Variants in AK5 observed in about 807,000 individuals in gnomAD.
AK5 encodes the protein adenylate kinase isoenzyme 5.
Under a neutral mutation model 69.5 loss-of-function variants are expected in AK5, and 27 were observed. That is an observed-to-expected ratio of 0.39 (90% confidence interval 0.29 to 0.54). The LOEUF (loss-of-function observed/expected upper bound fraction) is 0.54. Among genes scored for constraint, AK5 ranks in the 20% least tolerant of loss-of-function variants. AK5 has a pLI of 0.71. For missense variants in AK5, 531 were observed against 700.4 expected, an observed-to-expected ratio of 0.76 and a Z score of 2.73; for synonymous variants, 260 against 244.4, an observed-to-expected ratio of 1.06 and a Z score of -0.60.
At chr1:77,300,153 T>C (rs752223514) in intron 5 of AK5, among the ~76,000 whole-genome samples, 9 of 152,106 alleles carry the variant, frequency 5.9e-5, no homozygotes, top group African/African-American at 1.9e-4. Context: ...GAGGATTCCC[T>C]CCGAAAAGCA....
At chr1:77,458,529 G>A (rs1464002396) in intron 8 of AK5, among the ~76,000 whole-genome samples, 3 of 152,236 alleles carry the variant, frequency 2.0e-5, no homozygotes, top group African/African-American at 4.8e-5. Flanking sequence ...AGAACTCACA[G>A]CTCCACATTA....
chr1:77,442,675 G>A (rs980052015), intron 8 of AK5, among the ~76,000 whole-genome samples: 13 of 152,122 alleles, frequency 8.5e-5, no homozygotes, highest in African/African-American at 3.1e-4. Flanking sequence ...TTATTAAAAT[G>A]TAATTATTTC....
intron 6 of AK5, among the ~76,000 whole-genome samples, chr1:77,341,052 G>T (rs956685026): frequency 1.3e-5 from 2 of 152,208 alleles, no homozygotes; most frequent in Non-Finnish European, 1.5e-5. Context: ...GGTTTGACTT[G>T]TCATAAAGAA....
intron 5 of AK5, among the ~76,000 whole-genome samples, chr1:77,337,937 C>T (rs1050632872): frequency 1.3e-5 from 2 of 151,714 alleles, no homozygotes; most frequent in African/African-American, 4.8e-5. Flanking sequence ...GAATTGAAGA[C>T]GAGACATCTG....
At position 77,488,826 on chromosome 1, in the gene AK5, C is replaced by G. The variant is rs887893559; in HGVS notation, c.1147+2474C>G. ...ATCTGCCTTCCTCAGACCACTGACT[C>G]AAATGTTAATCCCTTTTGGCAACAG... On this transcript the variant is annotated intron_variant, in intron 10 of 13. Coordinates refer to ENST00000354567, the MANE Select transcript of AK5 (RefSeq NM_174858.3). 1.4e-4 allele frequency among the ~76,000 whole-genome samples: 22 copies of G among 152,294 alleles called. No homozygotes were observed. The South Asian group carries it at 4.6e-3, about 32-fold the overall frequency.
intron 10 of AK5, among the ~76,000 whole-genome samples, chr1:77,497,876 C>T (rs1170731358): frequency 6.6e-6 from 1 of 152,166 alleles, no homozygotes; most frequent in African/African-American, 2.4e-5. Flanking sequence ...GCCACTGCAC[C>T]TGGCCAGTTT....
At chr1:77,322,783 A>G (rs996314241) in intron 5 of AK5, among the ~76,000 whole-genome samples, 15 of 152,134 alleles carry the variant, frequency 9.9e-5, no homozygotes, top group African/African-American at 3.6e-4. Flanking sequence ...AGGTCGATCT[A>G]GTCTCAAAGG....
intron 6 of AK5, among the ~76,000 whole-genome samples, chr1:77,382,524 A>AT (rs1483963365): frequency 2.0e-5 from 3 of 152,034 alleles, no homozygotes; most frequent in Non-Finnish European, 4.4e-5. Context: ...CTAATTTTTA[A>AT]TTTTTTATAG....
At chr1:77,512,181 T>C (rs1286092061) in intron 10 of AK5, among the ~76,000 whole-genome samples, 1 of 152,080 alleles carries the variant, frequency 6.6e-6, no homozygotes, top group African/African-American at 2.4e-5. Flanking sequence ...AACGTTGAGT[T>C]CTAAACTAGA....
At chr1:77,282,833 C>G in intron 1 of AK5, 1 of 989,122 alleles carries the variant, frequency 1.0e-6, no homozygotes, top group Non-Finnish European at 1.2e-6. Context: ...GAAATGTGGA[C>G]GAAGGCAGCC....
intron 5 of AK5, among the ~76,000 whole-genome samples, chr1:77,337,045 T>C (rs1661398572): frequency 6.6e-6 from 1 of 152,190 alleles, no homozygotes; most frequent in Non-Finnish European, 1.5e-5. Flanking sequence ...TTGCATTTAT[T>C]GATCAAAAAT....
chr1:77,339,680 C>T (rs148857630), intron 5 of AK5, among the ~76,000 whole-genome samples: 1,824 of 136,366 alleles, frequency 0.013, 39 homozygotes, highest in African/African-American at 0.049. Context: ...GAGTCTTGCT[C>T]TGTCACCCAG....
chr1:77,282,035 G>T lies in AK5; in HGVS notation c.-279G>T, dbSNP rs1217632389. On this transcript the variant is annotated 5_prime_UTR_variant, in exon 1 of 14. Transcript: ENST00000354567. ...CCCACCCCTGGCGGCCGCGCTGCCT[G>T]GCAGCCCGGGAAGCCGCGGCACAGC... The T allele has an allele frequency of 6.3e-6, 2 of 319,578 alleles. No individual in the cohort carries two copies. Among genetic ancestry groups the T allele is most frequent in the Admixed American group, 5.0e-5 (1 of 19,872 alleles). 19.8% of individuals were successfully genotyped at this position (319,578 alleles called of 1,614,324 possible). A position where few individuals can be genotyped will look rare whatever the true frequency, so the allele number is the denominator to read the frequency against.
intron 6 of AK5, among the ~76,000 whole-genome samples, chr1:77,357,992 AGT>A (rs10643921): frequency 6.6e-5 from 8 of 121,156 alleles, no homozygotes; most frequent in African/African-American, 2.1e-4. Context: ...TATGGAGAGT[AGT>A]GTGTGTGTGT....
chr1:77,377,771 G>A (rs1465014271), intron 6 of AK5, among the ~76,000 whole-genome samples: 1 of 152,126 alleles, frequency 6.6e-6, no homozygotes, highest in Non-Finnish European at 1.5e-5. Flanking sequence ...ATACTTCTGT[G>A]CTTTAAGAGA....
At chr1:77,333,429 A>T (rs1348143795) in intron 5 of AK5, among the ~76,000 whole-genome samples, 1 of 152,150 alleles carries the variant, frequency 6.6e-6, no homozygotes, top group Non-Finnish European at 1.5e-5. Context: ...AATTACTTAT[A>T]TACTTAGGTT....
At chr1:77,437,849 C>G (rs368961535) in intron 8 of AK5, among the ~76,000 whole-genome samples, 12 of 152,110 alleles carry the variant, frequency 7.9e-5, no homozygotes, top group African/African-American at 2.9e-4. Flanking sequence ...ATTTTTATGT[C>G]AAAGATACCT....
Position 77,414,508 on chromosome 1 carries a change from G to A in AK5, c.983-3131G>A, listed in dbSNP as rs146864814. On this transcript the variant is annotated intron_variant, in intron 7 of 13. Transcript: ENST00000354567. ...CCAGAAAGTAATATGGTTAGCCTCT[G>A]GTACCTCTAAAGCTAATTTGTATCA... is the stretch of plus-strand genomic sequence containing the variant. 4.1e-3 allele frequency among the ~76,000 whole-genome samples: 628 copies of A among 152,204 alleles called. 5 individuals carry two copies. Among genetic ancestry groups the A allele is most frequent in the African/African-American group, 0.014 (600 of 41,544 alleles).
At chr1:77,463,552 C>A (rs914256986) in intron 8 of AK5, among the ~76,000 whole-genome samples, 127 of 118,684 alleles carry the variant, frequency 1.1e-3, no homozygotes, top group Middle Eastern at 9.4e-3. Flanking sequence ...TTGTAAGACA[C>A]AAAAACCTGT....
Sources: allele counts gnomAD v4.1 joint callset (sites outside exome capture counted in the v4.1 genomes callset), GRCh38; gene constraint gnomAD v4.1.1; transcripts MANE v1.5; gene names NCBI Gene and HGNC (gene_info 2026-07-23, HGNC 2026-07-21).